The following GALNTL6 variants were observed in gnomAD, a reference collection of about 807,000 sequenced individuals.
GALNTL6 encodes polypeptide N-acetylgalactosaminyltransferase-like 6.
A neutral mutation model predicts 73.7 loss-of-function variants in GALNTL6; 46 were observed. The ratio of observed to expected loss-of-function variants is 0.62; its 90% CI spans 0.49 to 0.80. The LOEUF is 0.80. Ranked by LOEUF, GALNTL6 falls within the 30% of genes least tolerant of loss-of-function variation. The pLI, the probability that GALNTL6 is intolerant of heterozygous loss-of-function variation, is 0.00. For missense variants in GALNTL6, 604 were observed against 755.0 expected, an observed-to-expected ratio of 0.80 and a Z score of 2.34; for synonymous variants, 259 against 263.7, an observed-to-expected ratio of 0.98 and a Z score of 0.17.
At chr4:172,983,393 T>C (rs930135724) in intron 10 of GALNTL6, among the ~76,000 whole-genome samples, 1 of 152,194 alleles carries the variant, frequency 6.6e-6, no homozygotes, top group Non-Finnish European at 1.5e-5. Context: ...CCTTGTTTCC[T>C]CATTCAAAAT....
intron 5 of GALNTL6, among the ~76,000 whole-genome samples, chr4:172,554,121 G>A (rs1250049519): frequency 2.0e-5 from 3 of 152,122 alleles, no homozygotes; most frequent in Admixed American, 2.0e-4. Context: ...TTCAACAAGA[G>A]GATTTATCAT....
intron 10 of GALNTL6, among the ~76,000 whole-genome samples, chr4:172,978,089 G>A (rs892038205): frequency 6.6e-6 from 1 of 152,142 alleles, no homozygotes; most frequent in African/African-American, 2.4e-5. Context: ...TGTTCCGTCC[G>A]CCTTGGCTTC....
intron 5 of GALNTL6, among the ~76,000 whole-genome samples, chr4:172,528,964 T>TATATATATATATATATATATATA (rs70944412): frequency 3.3e-5 from 1 of 29,854 alleles, no homozygotes; most frequent in Non-Finnish European, 7.8e-5. Context: ...TATATATATA[T>TATATATATATATATATATATATA]GTGTGTGTAT....
intron 5 of GALNTL6, among the ~76,000 whole-genome samples, chr4:172,562,981 G>A (rs1188797721): frequency 6.6e-6 from 1 of 152,132 alleles, no homozygotes; most frequent in East Asian, 1.9e-4. Flanking sequence ...TGCTCCCATT[G>A]CACACAGTGT....
chr4:172,524,515 A>G (rs1334769346), intron 5 of GALNTL6, among the ~76,000 whole-genome samples: 1 of 152,154 alleles, frequency 6.6e-6, no homozygotes, highest in Non-Finnish European at 1.5e-5. Context: ...ATTCCATTGC[A>G]TGAATACAAC....
At chr4:171,865,212 T>C (rs1735939097) in intron 2 of GALNTL6, among the ~76,000 whole-genome samples, 1 of 152,116 alleles carries the variant, frequency 6.6e-6, no homozygotes, top group East Asian at 1.9e-4. Context: ...GCTTATTCCC[T>C]TGATAAATTT....
intron 5 of GALNTL6, among the ~76,000 whole-genome samples, chr4:172,795,413 C>T (rs1740208136): frequency 6.6e-6 from 1 of 152,106 alleles, no homozygotes; most frequent in African/African-American, 2.4e-5. Context: ...GACTGGTGAC[C>T]TCAGCTCTCT....
chr4:172,046,582 C>T (rs1437827796), intron 2 of GALNTL6, among the ~76,000 whole-genome samples: 1 of 152,070 alleles, frequency 6.6e-6, no homozygotes, highest in Non-Finnish European at 1.5e-5. Flanking sequence ...GTGAGATGAT[C>T]TCTCTTCATG....
At chr4:172,250,104 G>A (rs62331134) in intron 3 of GALNTL6, among the ~76,000 whole-genome samples, 24,860 of 152,078 alleles carry the variant, frequency 0.16, 2,219 homozygotes, top group Non-Finnish European at 0.2. Context: ...CTGCAAAGCC[G>A]TAGGGTACAG....
intron 10 of GALNTL6, among the ~76,000 whole-genome samples, chr4:172,978,984 G>A (rs1368206750): frequency 1.3e-5 from 2 of 152,188 alleles, no homozygotes; most frequent in African/African-American, 4.8e-5. Flanking sequence ...GTATTATAGA[G>A]TTTGTTGAGG....
At chr4:172,051,936 T>C (rs1297172306) in intron 2 of GALNTL6, among the ~76,000 whole-genome samples, 1 of 152,148 alleles carries the variant, frequency 6.6e-6, no homozygotes, top group Non-Finnish European at 1.5e-5. Context: ...CTTTCCAGCA[T>C]TGACAGGGCT....
At chr4:171,883,873 T>C (rs1266664293) in intron 2 of GALNTL6, among the ~76,000 whole-genome samples, 1 of 152,030 alleles carries the variant, frequency 6.6e-6, no homozygotes, top group African/African-American at 2.4e-5. Context: ...GGTCTCAATC[T>C]CCTAACCTTG....
chr4:172,401,069 T>G (rs1360041876), intron 5 of GALNTL6, among the ~76,000 whole-genome samples: 1 of 152,166 alleles, frequency 6.6e-6, no homozygotes, highest in Non-Finnish European at 1.5e-5. Flanking sequence ...TATTGAAAGG[T>G]GACTGTGCTC....
chr4:172,491,541 A>G (rs1733893414), intron 5 of GALNTL6, among the ~76,000 whole-genome samples: 1 of 152,080 alleles, frequency 6.6e-6, no homozygotes, highest in Non-Finnish European at 1.5e-5. Context: ...AAAAATCTGG[A>G]CTGGAAGGGA....
intron 5 of GALNTL6, among the ~76,000 whole-genome samples, chr4:172,664,907 C>A (rs1286339360): frequency 6.6e-6 from 1 of 152,148 alleles, no homozygotes; most frequent in Non-Finnish European, 1.5e-5. Context: ...AGACAACAAC[C>A]TGATTGTGTA....
chr4:173,040,095 T>C lies in GALNTL6; in HGVS notation c.1801T>C (p.Ser601Pro). 1 of 1,608,324 alleles carries C rather than the reference T, an allele frequency of 6.2e-7. No individual in the cohort carries two copies. The highest frequency in any genetic ancestry group is 8.5e-7 in the Non-Finnish European group (1 of 1,176,522). The change falls in exon 13 of 13, where the codon TCC becomes CCC. Residue 601 changes from serine to proline, a missense_variant. This residue lies in a region of GALNTL6 where 261 missense variants were observed against 296.5 expected (regional missense o/e 0.88). Coordinates refer to ENST00000506823, the MANE Select transcript of GALNTL6 (RefSeq NM_001034845.3). ...VLEKFNHHAN[S>P] is the part of the protein sequence containing the mutation. ...AGAAAAATTTAACCACCATGCCAAC[T>C]CCTAGAAAGAAGAAAGGAAGAAAGA...
intron 2 of GALNTL6, among the ~76,000 whole-genome samples, chr4:172,220,651 C>T (rs906397777): frequency 6.6e-6 from 1 of 151,782 alleles, no homozygotes; most frequent in African/African-American, 2.4e-5. Flanking sequence ...GAGCTTAAAA[C>T]ACCAACTCAG....
intron 5 of GALNTL6, among the ~76,000 whole-genome samples, chr4:172,564,585 T>C (rs1015777890): frequency 2.0e-5 from 3 of 152,218 alleles, no homozygotes; most frequent in African/African-American, 2.4e-5. Context: ...ATTACCACCT[T>C]TGCCCTTGCT....
At chr4:172,106,580 A>C (rs1348850289) in intron 2 of GALNTL6, among the ~76,000 whole-genome samples, 2 of 152,198 alleles carry the variant, frequency 1.3e-5, no homozygotes, top group African/African-American at 4.8e-5. Context: ...AATGAAATCA[A>C]TTGAATATGA....
Sources: allele counts gnomAD v4.1 joint callset (sites outside exome capture counted in the v4.1 genomes callset), GRCh38; gene constraint gnomAD v4.1.1; regional missense constraint gnomAD v4.1.1; transcripts MANE v1.5; gene names NCBI Gene and HGNC (gene_info 2026-07-23, HGNC 2026-07-21).